The following MAGI2 variants were observed in gnomAD, a reference collection of about 807,000 sequenced individuals.
MAGI2 encodes the protein membrane associated guanylate kinase, WW and PDZ domain containing 2.
MAGI2 carries 35 observed loss-of-function variants against 133.3 expected under a neutral mutation model. That is an observed-to-expected ratio of 0.26 (90% CI 0.20 to 0.35). The LOEUF (loss-of-function observed/expected upper bound fraction) is 0.35, where lower values mean the gene tolerates loss of function less well. Among genes scored for constraint, MAGI2 ranks in the 10% least tolerant of loss-of-function variants. MAGI2 has a pLI of 1.00. For synonymous variants in MAGI2, 729 were observed against 710.6 expected (o/e 1.03, Z -0.41); for missense variants, 1,636 against 1,863.4 (o/e 0.88, Z 2.25).
chr7:78,233,434 A>G (rs970746754), intron 10 of MAGI2, among the ~76,000 whole-genome samples: 5 of 152,120 alleles, frequency 3.3e-5, no homozygotes, highest in African/African-American at 1.2e-4. Context: ...CAATAGTGGG[A>G]TGGGGACTGA....
intron 9 of MAGI2, among the ~76,000 whole-genome samples, chr7:78,313,700 G>T (rs1033754768): frequency 3.3e-5 from 5 of 151,746 alleles, no homozygotes; most frequent in East Asian, 1.9e-4. Flanking sequence ...TCAATGGCCA[G>T]TAGCACATTT....
At chr7:78,395,771 A>T (rs1322408483) in intron 6 of MAGI2, among the ~76,000 whole-genome samples, 1 of 152,226 alleles carries the variant, frequency 6.6e-6, no homozygotes, top group East Asian at 1.9e-4. Context: ...ATTTATCATG[A>T]AACTAAAAAG....
At chr7:78,885,434 T>C (rs912214102) in intron 2 of MAGI2, among the ~76,000 whole-genome samples, 1 of 152,220 alleles carries the variant, frequency 6.6e-6, no homozygotes, top group Non-Finnish European at 1.5e-5. Flanking sequence ...ATCCTTTCAA[T>C]GTGTCTTACA....
At chr7:78,607,498 TAAAAAA>T (rs11318579) in intron 3 of MAGI2, among the ~76,000 whole-genome samples, 2 of 139,556 alleles carry the variant, frequency 1.4e-5, no homozygotes, top group Non-Finnish European at 3.1e-5. Context: ...AAGTCAAACT[TAAAAAA>T]AAAAAAAAAA....
At chr7:78,219,774 T>G (rs1788628012) in intron 10 of MAGI2, among the ~76,000 whole-genome samples, 1 of 152,208 alleles carries the variant, frequency 6.6e-6, no homozygotes. Flanking sequence ...TCACATTCTG[T>G]CATTCCTTGA....
intron 1 of MAGI2, among the ~76,000 whole-genome samples, chr7:79,280,807 C>T (rs1362662422): frequency 6.6e-6 from 1 of 151,164 alleles, no homozygotes; most frequent in Non-Finnish European, 1.5e-5. Flanking sequence ...AACCTGTAGT[C>T]CTAGCTACTT....
intron 3 of MAGI2, among the ~76,000 whole-genome samples, chr7:78,535,469 G>T (rs1797808955): frequency 6.6e-6 from 1 of 152,150 alleles, no homozygotes; most frequent in Non-Finnish European, 1.5e-5. Context: ...GTCAATGAGG[G>T]ATATTTACAA....
At chr7:78,061,457 C>T (rs73706503) in intron 21 of MAGI2, among the ~76,000 whole-genome samples, 17 of 145,422 alleles carry the variant, frequency 1.2e-4, no homozygotes, top group East Asian at 4.0e-4. Context: ...CACACACACA[C>T]GAGTGGGGAA....
chr7:78,412,926 A>T (rs1336618435), intron 6 of MAGI2, among the ~76,000 whole-genome samples: 2 of 152,112 alleles, frequency 1.3e-5, no homozygotes, highest in African/African-American at 4.8e-5. Flanking sequence ...TGCTTCCGAA[A>T]GGTGGCTAAC....
At chr7:78,123,071 G>C (rs1820619662) in intron 20 of MAGI2, among the ~76,000 whole-genome samples, 1 of 152,044 alleles carries the variant, frequency 6.6e-6, no homozygotes, top group South Asian at 2.1e-4. Context: ...TTTCTCTTAT[G>C]ACACCAGCCT....
At chr7:79,209,294 T>G (rs1021879440) in intron 1 of MAGI2, among the ~76,000 whole-genome samples, 2 of 151,984 alleles carry the variant, frequency 1.3e-5, no homozygotes, top group Non-Finnish European at 2.9e-5. Context: ...ATATAAACAA[T>G]TTTATCTGTC....
intron 2 of MAGI2, among the ~76,000 whole-genome samples, chr7:78,728,993 A>G (rs907629001): frequency 2.0e-5 from 3 of 152,188 alleles, no homozygotes; most frequent in African/African-American, 7.2e-5. Context: ...GAAAAGGGGT[A>G]AGAAATGAGG....
intron 1 of MAGI2, among the ~76,000 whole-genome samples, chr7:79,242,003 G>C (rs926884625): frequency 2.6e-5 from 4 of 152,138 alleles, no homozygotes; most frequent in African/African-American, 9.7e-5. Flanking sequence ...TGAGTTCTCA[G>C]GGAGGCTGAT....
intron 2 of MAGI2, among the ~76,000 whole-genome samples, chr7:78,669,407 T>G (rs569444904): frequency 3.3e-5 from 5 of 151,972 alleles, no homozygotes; most frequent in East Asian, 3.9e-4. Context: ...AATAACAGGC[T>G]CTGAAATTGT....
At chr7:78,591,926 G>T (rs937957905) in intron 3 of MAGI2, among the ~76,000 whole-genome samples, 1 of 152,182 alleles carries the variant, frequency 6.6e-6, no homozygotes, top group East Asian at 1.9e-4. Context: ...GAAGACTCTT[G>T]AAAACTTTTT....
chr7:78,571,421 T>C (rs80060568), intron 3 of MAGI2, among the ~76,000 whole-genome samples: 2,127 of 152,254 alleles, frequency 0.014, 44 homozygotes, highest in African/African-American at 0.048. Flanking sequence ...AATGACAGCA[T>C]CCAAATTTAT....
rs1358997584 is a variant in MAGI2, at chr7:78,717,828, AG to A, written c.419-90590del. ...AGTGGAGCCATTAGAGTGGTTCACT[AG>A]TACTGACAATAGCAGTACTAGTATA... is the stretch of plus-strand genomic sequence containing the variant. On this transcript the variant is annotated intron_variant, in intron 2 of 21. Transcript: ENST00000354212. Among the ~76,000 whole-genome samples the A allele has an allele frequency of 5.9e-5, 9 of 152,292 alleles. No homozygotes were observed. The East Asian group carries it at 1.7e-3, about 29-fold the overall frequency.
chr7:78,255,657 A>G (rs959289947), intron 10 of MAGI2: 1 of 566,400 alleles, frequency 1.8e-6, no homozygotes, highest in Non-Finnish European at 3.1e-6. Flanking sequence ...GAAACAAAAT[A>G]CATTCATAGT....
intron 6 of MAGI2, among the ~76,000 whole-genome samples, chr7:78,381,474 A>G (rs1794919230): frequency 1.3e-5 from 2 of 152,192 alleles, no homozygotes; most frequent in South Asian, 4.1e-4. Context: ...AAAAACAGAA[A>G]AGAATATCTT....
Sources: gnomAD v4.1 joint callset for allele counts (sites outside exome capture counted in the v4.1 genomes callset) on GRCh38, gnomAD v4.1.1 for gene constraint, MANE v1.5 for transcripts, NCBI Gene and HGNC (gene_info 2026-07-23, HGNC 2026-07-21) for gene names.